Variants in NMD3 observed in about 807,000 individuals in gnomAD.
The protein encoded by NMD3 is NMD3 ribosome export adaptor, also known as 60S ribosomal export protein NMD3.
A neutral mutation model predicts 73.1 loss-of-function variants in NMD3; 47 were observed. The ratio of observed to expected loss-of-function variants is 0.64; its 90% CI spans 0.51 to 0.82. The LOEUF (loss-of-function observed/expected upper bound fraction) is 0.82. Among genes scored for constraint, NMD3 ranks in the 40% least tolerant of loss-of-function variants. The probability of loss-of-function intolerance (pLI) is 0.00; values close to 1 mark genes in which losing one functional copy is unlikely to be tolerated. For missense variants in NMD3, 554 were observed against 612.5 expected (o/e 0.90, Z 1.01); for synonymous variants, 210 against 194.5 (o/e 1.08, Z -0.66).
chr3:161,240,678 C>T (rs1736937186), intron 9 of NMD3, among the ~76,000 whole-genome samples: 1 of 149,436 alleles, frequency 6.7e-6, no homozygotes, highest in Non-Finnish European at 1.5e-5. Flanking sequence ...GCATGCACCA[C>T]CACGTTTGGC....
Position 161,233,394 on chromosome 3 carries a change from T to G in NMD3, c.277-5T>G. On this transcript the variant is annotated splice_region_variant and splice_polypyrimidine_tract_variant and intron_variant, in intron 4 of 15. Coordinates refer to ENST00000351193, the MANE Select transcript of NMD3 (RefSeq NM_015938.5). ...ACGTTTCTTTTTGTTTGTGTTTTAT[T>G]GAAGGTACGGCTTGTAGATGCAGGC... 1 of 1,602,902 alleles carries G rather than the reference T, an allele frequency of 6.2e-7. No individual in the cohort carries two copies. The highest frequency in any genetic ancestry group is 1.1e-5 in the South Asian group (1 of 88,954).
Position 161,251,556 on chromosome 3 carries a change from A to G in NMD3, c.*646A>G, listed in dbSNP as rs574420932. On this transcript the variant is annotated 3_prime_UTR_variant, in exon 16 of 16. Coordinates refer to ENST00000351193, the MANE Select transcript of NMD3 (RefSeq NM_015938.5). ...TAAAATATTTGTAGATTTATAGCAA[A>G]TAGAGACTCGTTATTTAAAGGTTAA... is the stretch of plus-strand genomic sequence containing the variant. 8.5e-5 allele frequency: 13 copies of G among 152,260 alleles called. No individual in the cohort carries two copies. In the East Asian group the frequency reaches 2.3e-3, roughly 27 times the overall value. 9.4% of individuals were successfully genotyped at this position (152,260 alleles called of 1,614,324 possible). A position where few individuals can be genotyped will look rare whatever the true frequency, so the allele number is the denominator to read the frequency against.
intron 1 of NMD3, 122 bp from the exon 2 acceptor site, chr3:161,221,872 T>A (rs1736096965): frequency 9.8e-6 from 6 of 610,890 alleles, no homozygotes; most frequent in Non-Finnish European, 1.6e-5. Context: ...TTTTCGAAGT[T>A]CTGTGAATAT....
intron 4 of NMD3, among the ~76,000 whole-genome samples, chr3:161,231,838 C>T (rs1201143951): frequency 2.6e-5 from 4 of 151,946 alleles, no homozygotes; most frequent in Non-Finnish European, 1.5e-5. Flanking sequence ...TGTTGAGCTC[C>T]GGAGGGCACA....
intron 13 of NMD3, 151 bp from the exon 14 acceptor site, chr3:161,249,303 A>G: frequency 2.2e-6 from 1 of 453,642 alleles, no homozygotes; most frequent in Non-Finnish European, 4.0e-6. Flanking sequence ...AAAATTTTAA[A>G]AGTCCTCTTG....
At chr3:161,235,792 A>G (rs1299569208) in intron 7 of NMD3, among the ~76,000 whole-genome samples, 1 of 152,084 alleles carries the variant, frequency 6.6e-6, no homozygotes, top group Non-Finnish European at 1.5e-5. Flanking sequence ...CATTTCATCT[A>G]GCTTTTTAGA....
intron 2 of NMD3, 97 bp from the exon 3 acceptor site, chr3:161,224,833 G>A: frequency 2.5e-6 from 3 of 1,201,630 alleles, no homozygotes; most frequent in Non-Finnish European, 3.5e-6. Flanking sequence ...AAGATGCTGT[G>A]GCCTAACTTG....
chr3:161,235,547 C>T (rs527444964), intron 7 of NMD3, among the ~76,000 whole-genome samples: 1 of 152,200 alleles, frequency 6.6e-6, no homozygotes, highest in African/African-American at 2.4e-5. Context: ...TGCATACATA[C>T]TTCTGTCCAA....
At chr3:161,222,189 C>G (rs1364438159) in intron 2 of NMD3, 132 bp downstream of exon 2, 1 of 722,872 alleles carries the variant, frequency 1.4e-6, no homozygotes, top group Non-Finnish European at 2.4e-6. Context: ...AAATAGAAGT[C>G]TTATTTCTGT....
rs114295632 is a variant in NMD3 at position 161,239,635 on chromosome 3, A to G, written c.753+809A>G. ...GAGGTTAGATAACTTGCCCAAAGTT[A>G]CATGATCACAAAATGATGAAGCTAG... is the stretch of plus-strand genomic sequence containing the variant. On this transcript the variant is annotated intron_variant, in intron 9 of 15. Transcript: ENST00000351193. 3.1e-3 allele frequency among the ~76,000 whole-genome samples: 474 copies of G among 152,360 alleles called. 6 individuals carry two copies. The highest frequency in any genetic ancestry group is 0.011 in the African/African-American group (462 of 41,590).
At chr3:161,245,322 T>C (rs4597724) in intron 11 of NMD3, among the ~76,000 whole-genome samples, 98,215 of 151,690 alleles carry the variant, frequency 0.65, 33,906 homozygotes, top group East Asian at 0.97. Flanking sequence ...ATCATTTCCC[T>C]TCAGGCAGAT....
chr3:161,221,195 G>C (rs1167007347), upstream of NMD3: 4 of 152,200 alleles, frequency 2.6e-5, no homozygotes, highest in African/African-American at 7.2e-5. Context: ...CCAGCCACCA[G>C]GCCGCTCCCA....
rs1420748337 is a variant in NMD3, at chr3:161,250,790, C to T, written c.1392C>T (p.Ile464=). Residue 464 remains isoleucine, a synonymous_variant, in exon 16 of 16, where the codon ATC becomes ATT. Transcript: ENST00000351193. ...TTTGTATTTTTTTAGATTCAGCCATCCCTGTGGAAAGTGACACCGATGATG... is the reference window on the plus strand; with the variant it reads ...TTTGTATTTTTTTAGATTCAGCCATTCCTGTGGAAAGTGACACCGATGATG... The part of the protein sequence containing the change: ...KNVNIYRDSA[I]PVESDTDDEG... 1.2e-6 allele frequency: 2 copies of T among 1,606,544 alleles called. No homozygotes were observed. Among genetic ancestry groups the T allele is most frequent in the South Asian group, 2.2e-5 (2 of 90,680 alleles).
chr3:161,236,622 A>G lies in NMD3; in HGVS notation c.577+1410A>G, dbSNP rs1736766195. ...TTCTTTTAATTGTGGTTTTGGGGTT[A>G]TGCTTAAAAACTGTTTGTCTAATCA... On this transcript the variant is annotated intron_variant, in intron 7 of 15. Coordinates refer to ENST00000351193, the MANE Select transcript of NMD3 (RefSeq NM_015938.5). 1.3e-5 allele frequency among the ~76,000 whole-genome samples: 2 copies of G among 152,108 alleles called. 1 individual carries two copies. The highest frequency in any genetic ancestry group is 4.1e-4 in the South Asian group (2 of 4,830).
At chr3:161,246,978 C>A (rs1308629379) in intron 12 of NMD3, among the ~76,000 whole-genome samples, 1 of 151,292 alleles carries the variant, frequency 6.6e-6, no homozygotes, top group East Asian at 1.9e-4. Context: ...AAGGAAGCAA[C>A]TAATTGAATT....
chr3:161,242,046 T>C (rs1394237233), intron 10 of NMD3, among the ~76,000 whole-genome samples: 1 of 152,222 alleles, frequency 6.6e-6, no homozygotes, highest in African/African-American at 2.4e-5. Context: ...TTTTGATATT[T>C]TTCAAAGTCA....
rs1737461314 is a variant in NMD3, at chr3:161,250,895, A to T, written c.1497A>T (p.Ala499=). ...ISQDATGEEG[A]SMLT is the part of the protein sequence containing the mutation. ...AAGATGCCACTGGTGAAGAAGGTGC[A>T]TCAATGCTGACATAATGAGATGTTG... Residue 499 remains alanine, a synonymous_variant, in exon 16 of 16, where the codon GCA becomes GCT. Coordinates refer to ENST00000351193, the MANE Select transcript of NMD3 (RefSeq NM_015938.5). 1.2e-6 allele frequency: 2 copies of T among 1,611,960 alleles called. No homozygotes were observed. Among genetic ancestry groups the T allele is most frequent in the Admixed American group, 1.7e-5 (1 of 59,956 alleles).
intron 7 of NMD3, 35 bp downstream of exon 7, chr3:161,235,247 C>CA (rs746451023): frequency 1.1e-5 from 11 of 1,028,566 alleles, no homozygotes; most frequent in Admixed American, 2.2e-5. Context: ...GAAATTATGT[C>CA]AGATTTTTAT....
intron 1 of NMD3, 36 bp from the exon 2 acceptor site, chr3:161,221,958 C>CTCT (rs1736103394): frequency 2.8e-5 from 24 of 868,868 alleles, no homozygotes; most frequent in Middle Eastern, 3.0e-4. Context: ...CCAACATTCT[C>CTCT]TTTTTTTTTT....
Sources: gnomAD v4.1 joint callset for allele counts (sites outside exome capture counted in the v4.1 genomes callset) on GRCh38, gnomAD v4.1.1 for gene constraint, MANE v1.5 for transcripts, NCBI Gene and HGNC (gene_info 2026-07-23, HGNC 2026-07-21) for gene names.